The following ARMC2 variants were observed in gnomAD, a reference collection of about 807,000 sequenced individuals.
The protein encoded by ARMC2 is armadillo repeat containing 2.
A neutral mutation model predicts 90.3 loss-of-function variants in ARMC2; 67 were observed. The ratio of observed to expected loss-of-function variants is 0.74; its 90% CI spans 0.61 to 0.91. The LOEUF is 0.91. Ranked by LOEUF, ARMC2 falls within the 40% of genes least tolerant of loss-of-function variation. ARMC2 has a pLI of 0.00. For synonymous variants in ARMC2, 393 were observed against 393.0 expected (o/e 1.00, Z 0.00); for missense variants, 920 against 1,030.9 (o/e 0.89, Z 1.47).
rs555022707 is a variant in ARMC2 at position 108,886,919 on chromosome 6, G to T, written c.672-7548G>T. Reference sequence around the variant, plus strand: ...GTTTGTTTGTTTTGTTTTTTTTTTTGAGACAGAGCCTCACTCTGTTGCCCA... The same window carrying T: ...GTTTGTTTGTTTTGTTTTTTTTTTTTAGACAGAGCCTCACTCTGTTGCCCA... On this transcript the variant is annotated intron_variant, in intron 5 of 17. Coordinates refer to ENST00000392644, the MANE Select transcript of ARMC2 (RefSeq NM_032131.6). Among the ~76,000 whole-genome samples, 139 of 126,258 alleles carry T rather than the reference G, an allele frequency of 1.1e-3. No individual in the cohort carries two copies. The South Asian group carries it at 0.032, about 29-fold the overall frequency. The allele number at this position is 126,258 out of a possible 152,430, so 82.8% of individuals were successfully genotyped here. A position where few individuals can be genotyped will look rare whatever the true frequency, so the allele number is the denominator to read the frequency against.
At chr6:109,037,586 T>C in the ARMC2 span, among the ~76,000 whole-genome samples, 1 of 152,162 alleles carries the variant, frequency 6.6e-6, no homozygotes, top group Non-Finnish European at 1.5e-5. Context: ...TAGAATAGAT[T>C]TGGAGCATCT....
At chr6:109,009,562 G>A in the ARMC2 span, 17 of 1,016,186 alleles carry the variant, frequency 1.7e-5, no homozygotes, top group East Asian at 7.8e-4. Flanking sequence ...CGGCGGGGGG[G>A]CGGGGCGGCG....
the ARMC2 span, among the ~76,000 whole-genome samples, chr6:109,010,737 A>C: frequency 6.6e-6 from 1 of 152,252 alleles, no homozygotes; most frequent in Non-Finnish European, 1.5e-5. Context: ...TGGTCAAAAG[A>C]AGCAATATTG....
intron 7 of ARMC2, among the ~76,000 whole-genome samples, chr6:108,900,915 C>G (rs990405632): frequency 7.9e-5 from 12 of 152,030 alleles, no homozygotes; most frequent in Admixed American, 5.9e-4. Context: ...TCACCCTCAT[C>G]TTAGCGTGCC....
chr6:108,864,506 C>G (rs888680340), intron 3 of ARMC2, among the ~76,000 whole-genome samples: 2 of 152,168 alleles, frequency 1.3e-5, no homozygotes, highest in Admixed American at 6.5e-5. Context: ...CTTGGCCTCC[C>G]AAAGTGCTGG....
At chr6:109,020,869 A>C in the ARMC2 span, among the ~76,000 whole-genome samples, 3 of 152,188 alleles carry the variant, frequency 2.0e-5, no homozygotes, top group Non-Finnish European at 4.4e-5. Flanking sequence ...ATCATGAACA[A>C]CACTTCTTTT....
chr6:108,854,576 T>C (rs1017517809), intron 2 of ARMC2, 91 bp downstream of exon 2: 1 of 1,300,350 alleles, frequency 7.7e-7, no homozygotes, highest in African/African-American at 1.5e-5. Flanking sequence ...CTTTTAAAAA[T>C]AGACTTATTT....
intron 4 of ARMC2, among the ~76,000 whole-genome samples, chr6:108,869,645 T>C (rs552870944): frequency 6.6e-6 from 1 of 152,272 alleles, no homozygotes; most frequent in Admixed American, 6.5e-5. Flanking sequence ...AAGATTCTTA[T>C]AATGCACATT....
At chr6:108,920,877 T>C (rs901400750) in intron 10 of ARMC2, among the ~76,000 whole-genome samples, 3 of 152,128 alleles carry the variant, frequency 2.0e-5, no homozygotes, top group Non-Finnish European at 2.9e-5. Flanking sequence ...GAGGGTCTGA[T>C]TCCTGTCCCA....
the ARMC2 span, among the ~76,000 whole-genome samples, chr6:109,011,451 A>G: frequency 6.6e-5 from 10 of 152,158 alleles, no homozygotes; most frequent in Non-Finnish European, 1.5e-4. Context: ...TTAAATGTCA[A>G]GATTCCTTTA....
chr6:108,892,074 C>G (rs1474162297), intron 5 of ARMC2, among the ~76,000 whole-genome samples: 1 of 152,150 alleles, frequency 6.6e-6, no homozygotes, highest in Non-Finnish European at 1.5e-5. Flanking sequence ...GAGAGTGGAC[C>G]AGTGACTTTG....
chr6:108,950,507 G>A (rs1346624820), intron 12 of ARMC2, among the ~76,000 whole-genome samples: 1 of 152,170 alleles, frequency 6.6e-6, no homozygotes, highest in East Asian at 1.9e-4. Flanking sequence ...ATTATCCTTA[G>A]CAAACTAACG....
At chr6:108,976,736 T>C (rs571436169), downstream of ARMC2, among the ~76,000 whole-genome samples, 33 of 152,316 alleles carry the variant, frequency 2.2e-4, no homozygotes, top group African/African-American at 7.5e-4. Context: ...TAAGTTGTAT[T>C]CCTAGGTATT....
At chr6:109,038,853 A>C in the ARMC2 span, among the ~76,000 whole-genome samples, 3 of 151,970 alleles carry the variant, frequency 2.0e-5, no homozygotes, top group African/African-American at 7.3e-5. Context: ...GAAAAAGAAG[A>C]GCAAGAGGAG....
At chr6:108,855,249 T>TC (rs1774434963) in intron 2 of ARMC2, among the ~76,000 whole-genome samples, 1 of 150,668 alleles carries the variant, frequency 6.6e-6, no homozygotes, top group East Asian at 1.9e-4. Context: ...TTTTTGTTTT[T>TC]CTTTTTTTTT....
At chr6:108,868,548 G>A (rs1270047287) in intron 3 of ARMC2, among the ~76,000 whole-genome samples, 2 of 152,176 alleles carry the variant, frequency 1.3e-5, no homozygotes, top group Non-Finnish European at 2.9e-5. Flanking sequence ...GATAATATCT[G>A]TTTGCTAGCA....
At chr6:109,044,465 C>T in the ARMC2 span, among the ~76,000 whole-genome samples, 1 of 150,682 alleles carries the variant, frequency 6.6e-6, no homozygotes, top group African/African-American at 2.4e-5. Flanking sequence ...TGATTCTAGA[C>T]ATAAACCTCA....
intron 1 of ARMC2, among the ~76,000 whole-genome samples, chr6:108,851,738 A>C (rs1774032554): frequency 6.6e-6 from 1 of 152,114 alleles, no homozygotes; most frequent in Non-Finnish European, 1.5e-5. Context: ...GGAGTTTGAG[A>C]CCAGCCTGGA....
At chr6:108,963,736 C>CT (rs1778158837) in intron 15 of ARMC2, among the ~76,000 whole-genome samples, 1 of 152,228 alleles carries the variant, frequency 6.6e-6, no homozygotes, top group Non-Finnish European at 1.5e-5. Context: ...TTTTAGCAGT[C>CT]TGAGTCTTAC....
Sources: allele counts gnomAD v4.1 joint callset (sites outside exome capture counted in the v4.1 genomes callset), GRCh38; gene constraint gnomAD v4.1.1; transcripts MANE v1.5; gene names NCBI Gene and HGNC (gene_info 2026-07-23, HGNC 2026-07-21).